GSG1L: variants seen among roughly 807,000 people sequenced by gnomAD.
The protein encoded by GSG1L is GSG1 like.
In GSG1L, 24 loss-of-function variants were observed where a neutral mutation model predicts 42.1. That is an observed-to-expected ratio of 0.57 (90% confidence interval 0.41 to 0.80). GSG1L has a LOEUF of 0.80. Ranked by LOEUF, GSG1L falls within the 30% of genes least tolerant of loss-of-function variation. The pLI, the probability that GSG1L is intolerant of heterozygous loss-of-function variation, is 0.00. For missense variants in GSG1L, 445 were observed against 472.2 expected (o/e 0.94, Z 0.53); for synonymous variants, 215 against 203.5 (o/e 1.06, Z -0.48).
intron 2 of GSG1L, among the ~76,000 whole-genome samples, chr16:27,947,593 G>GAA (rs879591067): frequency 1.8e-5 from 2 of 113,780 alleles, no homozygotes; most frequent in African/African-American, 7.0e-5. Flanking sequence ...AAGAAAGAAA[G>GAA]AAAGAAAAAG....
intron 3 of GSG1L, among the ~76,000 whole-genome samples, chr16:27,868,007 A>G (rs1416159422): frequency 1.3e-5 from 2 of 152,210 alleles, no homozygotes; most frequent in African/African-American, 2.4e-5. Flanking sequence ...CAGTTCCTCC[A>G]GCGTAGGTTT....
chr16:27,834,016 T>G (rs1379583383), intron 4 of GSG1L, among the ~76,000 whole-genome samples: 1 of 152,184 alleles, frequency 6.6e-6, no homozygotes, highest in African/African-American at 2.4e-5. Flanking sequence ...AATGGTGTTC[T>G]CAATCTTAGA....
chr16:27,827,946 CATCT>C (rs1189985314), intron 5 of GSG1L, among the ~76,000 whole-genome samples: 1 of 90,384 alleles, frequency 1.1e-5, no homozygotes, highest in Non-Finnish European at 2.6e-5. Context: ...TCCATCCATC[CATCT>C]ACCTACCCAT....
intron 5 of GSG1L, among the ~76,000 whole-genome samples, chr16:27,824,916 C>T (rs1241669848): frequency 1.3e-5 from 2 of 152,240 alleles, no homozygotes; most frequent in Admixed American, 6.5e-5. Flanking sequence ...GCTTATGTGT[C>T]TATTGCAAAC....
chr16:27,947,428 G>GAA (rs749292101), intron 2 of GSG1L, among the ~76,000 whole-genome samples: 8 of 136,790 alleles, frequency 5.8e-5, no homozygotes, highest in South Asian at 2.4e-4. Context: ...AAGAAAGAAA[G>GAA]AGAAGGAAGG....
intron 2 of GSG1L, among the ~76,000 whole-genome samples, chr16:27,915,651 CAA>C (rs1445958867): frequency 2.6e-5 from 4 of 152,116 alleles, no homozygotes; most frequent in African/African-American, 9.7e-5. Context: ...AACAAGTTTT[CAA>C]AAGTCAATAG....
At chr16:27,870,421 C>G (rs1341362537) in intron 3 of GSG1L, among the ~76,000 whole-genome samples, 1 of 151,152 alleles carries the variant, frequency 6.6e-6, no homozygotes, top group Non-Finnish European at 1.5e-5. Flanking sequence ...CTCCTTCTCT[C>G]TCTGTCTGTC....
At chr16:27,975,741 A>G (rs1455105119) in intron 1 of GSG1L, among the ~76,000 whole-genome samples, 1 of 152,002 alleles carries the variant, frequency 6.6e-6, no homozygotes, top group African/African-American at 2.4e-5. Context: ...CCAAAAGTAC[A>G]CTTCTCTTCT....
intron 2 of GSG1L, among the ~76,000 whole-genome samples, chr16:27,910,150 A>T: frequency 7.0e-6 from 1 of 143,688 alleles, no homozygotes; most frequent in Non-Finnish European, 1.5e-5. Flanking sequence ...TTTAGTAGAC[A>T]CGGGTTTTCA....
At chr16:27,846,762 G>A (rs2083448174) in intron 3 of GSG1L, among the ~76,000 whole-genome samples, 7 of 151,960 alleles carry the variant, frequency 4.6e-5, no homozygotes, top group Admixed American at 4.6e-4. Flanking sequence ...AGACCCTCCT[G>A]GCTAATACGG....
intron 2 of GSG1L, among the ~76,000 whole-genome samples, chr16:27,932,785 G>A (rs186132880): frequency 1.4e-4 from 21 of 152,252 alleles, no homozygotes; most frequent in Admixed American, 2.0e-4. Flanking sequence ...CACCCAGCCA[G>A]GGCTTACACA....
At chr16:28,020,177 T>C (rs1045294683) in intron 1 of GSG1L, among the ~76,000 whole-genome samples, 38 of 152,214 alleles carry the variant, frequency 2.5e-4, no homozygotes, top group African/African-American at 8.4e-4. Flanking sequence ...CCCTACTGTC[T>C]TGCTGGGCAT....
At position 28,031,861 on chromosome 16, in the gene GSG1L, C is replaced by T. The variant is rs547311462; in HGVS notation, c.349+31215G>A. Among the ~76,000 whole-genome samples the T allele has an allele frequency of 9.3e-4, 141 of 152,330 alleles. 2 individuals carry two copies. The highest frequency in any genetic ancestry group is 1.8e-3 in the Non-Finnish European group (120 of 68,032). On this transcript the variant is annotated intron_variant, in intron 1 of 6. Coordinates refer to ENST00000447459, the MANE Select transcript of GSG1L (RefSeq NM_001109763.2). ...GACAGACGAACCTCCATGCCAGGGGCCTGAGAGCAGCCACTCCACAGAGAT... is the reference window on the plus strand; with the variant it reads ...GACAGACGAACCTCCATGCCAGGGGTCTGAGAGCAGCCACTCCACAGAGAT...
chr16:27,928,923 C>T (rs116385947), intron 2 of GSG1L, among the ~76,000 whole-genome samples: 158 of 152,342 alleles, frequency 1.0e-3, no homozygotes, highest in African/African-American at 3.6e-3. Context: ...CTCCAAATCA[C>T]GGAGTGATGA....
chr16:28,038,654 T>C (rs1394686630), intron 1 of GSG1L, among the ~76,000 whole-genome samples: 1 of 152,140 alleles, frequency 6.6e-6, no homozygotes, highest in Non-Finnish European at 1.5e-5. Context: ...ACCTCAAGCA[T>C]CGCCATCCGT....
chr16:27,850,908 T>C (rs2083506037), intron 3 of GSG1L, among the ~76,000 whole-genome samples: 1 of 151,854 alleles, frequency 6.6e-6, no homozygotes, highest in South Asian at 2.1e-4. Flanking sequence ...CCCAAAGCTC[T>C]GGAATTACAG....
At chr16:27,798,462 A>T (rs2082846136) in intron 6 of GSG1L, among the ~76,000 whole-genome samples, 1 of 152,180 alleles carries the variant, frequency 6.6e-6, no homozygotes, top group African/African-American at 2.4e-5. Flanking sequence ...TGGCAGGCGG[A>T]TGAGGTTCTT....
chr16:27,899,564 A>C (rs1160914167), intron 2 of GSG1L, among the ~76,000 whole-genome samples: 2 of 152,164 alleles, frequency 1.3e-5, no homozygotes, highest in Non-Finnish European at 2.9e-5. Flanking sequence ...AAAAATTTAA[A>C]AAATTAGCCA....
intron 1 of GSG1L, among the ~76,000 whole-genome samples, chr16:28,021,909 A>G (rs1278762674): frequency 6.6e-6 from 1 of 152,200 alleles, no homozygotes; most frequent in African/African-American, 2.4e-5. Context: ...CTACTTGAGC[A>G]TCCTCACAGC....
Sources: allele counts gnomAD v4.1 joint callset (sites outside exome capture counted in the v4.1 genomes callset), GRCh38; gene constraint gnomAD v4.1.1; transcripts MANE v1.5; gene names NCBI Gene and HGNC (gene_info 2026-07-23, HGNC 2026-07-21).